DGKI: variants seen among roughly 807,000 people sequenced by gnomAD.
DGKI encodes diacylglycerol kinase iota, also known as DAG kinase iota.
A neutral mutation model predicts 147.5 loss-of-function variants in DGKI; 55 were observed. The observed-to-expected ratio is 0.37, with a 90% CI of 0.30 to 0.47. The LOEUF (loss-of-function observed/expected upper bound fraction) is 0.47. Among genes scored for constraint, DGKI ranks in the 20% least tolerant of loss-of-function variants. The probability of loss-of-function intolerance (pLI) is 1.00; values close to 1 mark genes in which losing one functional copy is unlikely to be tolerated. For missense variants in DGKI, 1,007 were observed against 1,323.8 expected (o/e 0.76, Z 3.71); for synonymous variants, 469 against 477.1 (o/e 0.98, Z 0.22).
rs1337725224 is a variant in DGKI at position 137,748,353 on chromosome 7, G to GA, written c.402-58352dup. Among the ~76,000 whole-genome samples the GA allele has an allele frequency of 8.6e-3, 992 of 115,084 alleles. 22 individuals carry two copies. Among genetic ancestry groups the GA allele is most frequent in the East Asian group, 0.01 (41 of 4,100 alleles). 75.5% of individuals were successfully genotyped at this position (115,084 alleles called of 152,430 possible). On this transcript the variant is annotated intron_variant, in intron 1 of 32. Transcript: ENST00000614521. Reference sequence around the variant, plus strand: ...TATAAACACATCTATTGTGGTTAAAGAAAAAAAAAAAAGAATGGGGGCGGA... The same window carrying GA: ...TATAAACACATCTATTGTGGTTAAAGAAAAAAAAAAAAAGAATGGGGGCGGA...
chr7:137,767,024 G>A (rs865821724), intron 1 of DGKI, among the ~76,000 whole-genome samples: 28 of 152,062 alleles, frequency 1.8e-4, no homozygotes, highest in African/African-American at 5.8e-4. Context: ...CAGACGAGCC[G>A]GGGCCACCCA....
intron 1 of DGKI, among the ~76,000 whole-genome samples, chr7:137,833,717 G>A (rs75052119): frequency 0.014 from 2,077 of 152,248 alleles, 46 homozygotes; most frequent in African/African-American, 0.047. Context: ...GAGTCTGGTC[G>A]TCCAAGCTCA....
At chr7:137,647,138 T>A (rs1821854413) in intron 5 of DGKI, among the ~76,000 whole-genome samples, 1 of 152,212 alleles carries the variant, frequency 6.6e-6, no homozygotes, top group South Asian at 2.1e-4. Context: ...TGTTGAGTAC[T>A]GTGAGCCATG....
intron 28 of DGKI, among the ~76,000 whole-genome samples, chr7:137,438,188 T>C (rs548878339): frequency 2.2e-4 from 33 of 152,102 alleles, no homozygotes; most frequent in Admixed American, 5.9e-4. Flanking sequence ...AACAAAATAA[T>C]TTTTACATAG....
chr7:137,769,664 G>A (rs1796124978), intron 1 of DGKI, among the ~76,000 whole-genome samples: 2 of 152,040 alleles, frequency 1.3e-5, no homozygotes, highest in Non-Finnish European at 2.9e-5. Flanking sequence ...AGTGGGCAAA[G>A]GATATGAACA....
In DGKI at chr7:137,544,241, T is replaced by G. The variant is rs577268193; in HGVS notation, c.2147+8128A>C. Among the ~76,000 whole-genome samples, 19 of 152,276 alleles carry G rather than the reference T, an allele frequency of 1.2e-4. No individual in the cohort carries two copies. The South Asian group carries it at 2.7e-3, about 22-fold the overall frequency. On this transcript the variant is annotated intron_variant, in intron 20 of 32. Coordinates refer to ENST00000614521, the MANE Select transcript of DGKI (RefSeq NM_001321708.2). The stretch of plus-strand genomic sequence containing the variant: ...AGAAACAAGATGACTATCATATGCA[T>G]TTCTGCTGTTAACATTCTCAATTCT...
chr7:137,515,371 A>G (rs1417152110), intron 21 of DGKI, among the ~76,000 whole-genome samples: 1 of 151,688 alleles, frequency 6.6e-6, no homozygotes, highest in Non-Finnish European at 1.5e-5. Flanking sequence ...TAGTACTAGA[A>G]ATACTTGAAA....
chr7:137,569,118 A>C (rs1818692741), intron 19 of DGKI, among the ~76,000 whole-genome samples: 1 of 152,200 alleles, frequency 6.6e-6, no homozygotes, highest in South Asian at 2.1e-4. Flanking sequence ...GCTAGAAAGC[A>C]AAGATGAGAG....
At chr7:137,395,982 A>G (rs1271043924) in intron 31 of DGKI, 1 of 387,142 alleles carries the variant, frequency 2.6e-6, no homozygotes, top group African/African-American at 2.0e-5. Flanking sequence ...GGTGATAGTC[A>G]ATGCAGTATT....
At chr7:137,552,754 C>CAA (rs60665502) in intron 19 of DGKI, among the ~76,000 whole-genome samples, 186 bp from the exon 20 acceptor site, 56 of 120,128 alleles carry the variant, frequency 4.7e-4, no homozygotes, top group African/African-American at 1.4e-3. Context: ...ACTAAAAATA[C>CAA]AAAAAAAAAA....
chr7:137,774,427 G>A (rs1302643109), intron 1 of DGKI, among the ~76,000 whole-genome samples: 1 of 152,036 alleles, frequency 6.6e-6, no homozygotes, highest in African/African-American at 2.4e-5. Flanking sequence ...AACTCAGAAG[G>A]TTCTTTTTCC....
intron 1 of DGKI, among the ~76,000 whole-genome samples, chr7:137,743,989 G>GAA (rs59924694): frequency 0.3 from 37,940 of 124,812 alleles, 5,131 homozygotes; most frequent in Middle Eastern, 0.35. Flanking sequence ...TCTCAAAAAA[G>GAA]AAAAAAAAAA....
intron 28 of DGKI, among the ~76,000 whole-genome samples, chr7:137,426,625 A>G (rs1255090583): frequency 7.3e-6 from 1 of 137,674 alleles, no homozygotes; most frequent in Non-Finnish European, 1.6e-5. Flanking sequence ...AAGACTCAAG[A>G]CCCATCAGTG....
chr7:137,654,829 C>G lies in DGKI; in HGVS notation c.682-41G>C, dbSNP rs1158422460. ...AAAAGTATATTATATTAGAGATAAG[C>G]ATCAGACTAGACTGAATTACCTGAA... On this transcript the variant is annotated intron_variant, in intron 4 of 32. Coordinates refer to ENST00000614521, the MANE Select transcript of DGKI (RefSeq NM_001321708.2). The G allele has an allele frequency of 2.4e-6, 3 of 1,272,264 alleles. No individual in the cohort carries two copies. In the African/African-American group the frequency reaches 4.6e-5, roughly 19 times the overall value. The allele number at this position is 1,272,264 out of a possible 1,614,324, so 78.8% of individuals were successfully genotyped here. A position where few individuals can be genotyped will look rare whatever the true frequency, so the allele number is the denominator to read the frequency against.
chr7:137,448,053 C>G (rs554532987), intron 27 of DGKI, among the ~76,000 whole-genome samples: 1 of 152,212 alleles, frequency 6.6e-6, no homozygotes, highest in Admixed American at 6.5e-5. Flanking sequence ...AAAAATAGAG[C>G]TAAGTTTTAG....
chr7:137,843,261 G>A (rs1798599503), intron 1 of DGKI: 1 of 196,776 alleles, frequency 5.1e-6, no homozygotes. Flanking sequence ...ACTTATATGG[G>A]AATTCTTACA....
chr7:137,625,791 C>A (rs920778273), intron 6 of DGKI, among the ~76,000 whole-genome samples: 5 of 150,582 alleles, frequency 3.3e-5, no homozygotes, highest in Non-Finnish European at 4.4e-5. Context: ...CACCAATGTA[C>A]ATTTTGTCCT....
intron 6 of DGKI, among the ~76,000 whole-genome samples, chr7:137,640,144 C>T (rs971143258): frequency 2.0e-5 from 3 of 151,970 alleles, no homozygotes; most frequent in Non-Finnish European, 4.4e-5. Flanking sequence ...GCTTGCATAA[C>T]TGAAACTTTG....
chr7:137,749,268 A>G (rs1795429646), intron 1 of DGKI, among the ~76,000 whole-genome samples: 1 of 152,200 alleles, frequency 6.6e-6, no homozygotes, highest in South Asian at 2.1e-4. Flanking sequence ...AGGCAAGGGC[A>G]GCACCCTAAA....
Sources: allele counts gnomAD v4.1 joint callset (sites outside exome capture counted in the v4.1 genomes callset), GRCh38; gene constraint gnomAD v4.1.1; transcripts MANE v1.5; gene names NCBI Gene and HGNC (gene_info 2026-07-23, HGNC 2026-07-21).